Variants in PSD2 observed in about 807,000 individuals in gnomAD.
PSD2 encodes pleckstrin and Sec7 domain containing 2.
PSD2 carries 38 observed loss-of-function variants against 69.8 expected under a neutral mutation model. The ratio of observed to expected loss-of-function variants is 0.54; its 90% CI spans 0.42 to 0.71. The LOEUF (loss-of-function observed/expected upper bound fraction) is 0.71, where lower values mean the gene tolerates loss of function less well. Ranked by LOEUF, PSD2 falls within the 30% of genes least tolerant of loss-of-function variation. The pLI is 0.00. For synonymous variants in PSD2, 412 were observed against 423.0 expected (o/e 0.97, Z 0.32); for missense variants, 943 against 1,014.5 (o/e 0.93, Z 0.96).
At chr5:139,795,037 T>C (rs1409755350), upstream of PSD2, among the ~76,000 whole-genome samples, 1 of 152,168 alleles carries the variant, frequency 6.6e-6, no homozygotes, top group Non-Finnish European at 1.5e-5. The surrounding 1 kb of genome is among the most constrained non-coding windows in gnomAD (Gnocchi z 4.5). Context: ...TCTGTCTCTC[T>C]CTGTCTCCTT....
the PSD2 span, among the ~76,000 whole-genome samples, chr5:139,765,297 TACC>T: frequency 6.6e-6 from 1 of 152,084 alleles, no homozygotes; most frequent in Non-Finnish European, 1.5e-5. Context: ...GGGCCCCCGT[TACC>T]ACCAGGAAAC....
chr5:139,777,279 TAAA>T, the PSD2 span, among the ~76,000 whole-genome samples: 2 of 152,156 alleles, frequency 1.3e-5, no homozygotes, highest in Non-Finnish European at 2.9e-5. Flanking sequence ...ATAGGGAAAG[TAAA>T]AAATATGCAC....
upstream of PSD2, among the ~76,000 whole-genome samples, chr5:139,794,408 G>T (rs1759471644): frequency 6.6e-6 from 1 of 152,196 alleles, no homozygotes. Flanking sequence ...AGCTTGAAGG[G>T]AGGGAGACTA....
At chr5:139,821,866 C>T (rs751093806) in intron 5 of PSD2, 27 bp from the exon 6 acceptor site, 2 of 1,459,900 alleles carry the variant, frequency 1.4e-6, no homozygotes, top group African/African-American at 2.8e-5. Context: ...CTCAGACTGC[C>T]CTCAGCAGCT....
upstream of PSD2, among the ~76,000 whole-genome samples, chr5:139,793,396 C>T (rs750859775): frequency 7.2e-5 from 11 of 152,186 alleles, no homozygotes; most frequent in Non-Finnish European, 1.3e-4. Context: ...TTCCACTTGA[C>T]GGAGGGGAAA....
chr5:139,774,560 G>C, the PSD2 span, among the ~76,000 whole-genome samples: 5 of 151,996 alleles, frequency 3.3e-5, no homozygotes, highest in Non-Finnish European at 7.4e-5. Context: ...GCACGATCTC[G>C]GCTCACTGCA....
intron 5 of PSD2, among the ~76,000 whole-genome samples, chr5:139,818,205 G>A (rs999337698): frequency 3.3e-5 from 5 of 152,120 alleles, no homozygotes; most frequent in East Asian, 3.8e-4. Flanking sequence ...ACTCATGCAC[G>A]TTAGACATCT....
At chr5:139,766,441 TG>T in the PSD2 span, among the ~76,000 whole-genome samples, 2 of 152,152 alleles carry the variant, frequency 1.3e-5, no homozygotes, top group Non-Finnish European at 2.9e-5. Context: ...CCTGGAATGG[TG>T]GGGGGCACCC....
Position 139,836,936 on chromosome 5 carries a change from G to T in PSD2, c.1529G>T (p.Ser510Ile). 6.2e-7 allele frequency: 1 copy of T among 1,614,190 alleles called. No individual in the cohort carries two copies. The highest frequency in any genetic ancestry group is 8.5e-7 in the Non-Finnish European group (1 of 1,180,032). Residue 510 changes from serine to isoleucine, a missense_variant, in exon 10 of 15, where the codon AGT (serine) becomes ATT (isoleucine). By Grantham distance (142) the Ser-to-Ile change is moderately radical. Transcript: ENST00000274710. The part of the protein sequence containing the change: ...NPFLDVPQAL[S>I]ATTYKHGVLT... ...TTCCTGGATGTCCCACAGGCGCTCA[G>T]TGCCACCACCTACAAGCACGGCGTC...
chr5:139,774,782 G>T, the PSD2 span, among the ~76,000 whole-genome samples: 2 of 152,146 alleles, frequency 1.3e-5, no homozygotes, highest in African/African-American at 4.8e-5. Context: ...GAGCCACTGC[G>T]CCCGGCCCCG....
rs1554096371 is a variant in PSD2, at chr5:139,830,592, T to TTTC, written c.1270-3108_1270-3107insCTT. On this transcript the variant is annotated intron_variant, in intron 7 of 14. Transcript: ENST00000274710. ...TTTCTTTCTTTCTTTCTTTCTTTCT[T>TTTC]TTTCTTTCTTTCTTTCTCTTTCTTT... Among the ~76,000 whole-genome samples, 669 of 83,434 alleles carry TTTC rather than the reference T, an allele frequency of 8.0e-3. 8 individuals are homozygous for TTTC. Among genetic ancestry groups the TTTC allele is most frequent in the African/African-American group, 0.014 (251 of 18,214 alleles). 54.7% of individuals were successfully genotyped at this position (83,434 alleles called of 152,430 possible). A position where few individuals can be genotyped will look rare whatever the true frequency, so the allele number is the denominator to read the frequency against.
In PSD2 at chr5:139,840,129, G is replaced by A; in HGVS notation, c.2071G>A (p.Ala691Thr). 1 of 1,614,206 alleles carries A rather than the reference G, an allele frequency of 6.2e-7. No individual in the cohort carries two copies. Among genetic ancestry groups the A allele is most frequent in the South Asian group, 1.1e-5 (1 of 91,084 alleles). ...CGAGAGGGGCATCAAGTCCAAGGAG[G>A]CCGAGGAGTACCGGTTGAAGGAGCA... is the stretch of plus-strand genomic sequence containing the variant. ...PVERGIKSKE[A>T]EEYRLKEHYL... Residue 691 changes from alanine (A) to threonine (T), a missense_variant, in exon 14 of 15, where the codon GCC (alanine) becomes ACC (threonine). Ala to Thr is a moderately conservative substitution (Grantham distance 58). Around this residue, in one of 3 missense-constraint regions of PSD2, gnomAD observed 165 missense variants for 168.8 expected, o/e 0.98. Coordinates refer to ENST00000274710, the MANE Select transcript of PSD2 (RefSeq NM_032289.4).
Position 139,822,880 on chromosome 5 carries a change from C to T in PSD2, c.1269+96C>T, listed in dbSNP as rs111472454. On this transcript the variant is annotated intron_variant, in intron 7 of 14. Transcript: ENST00000274710. ...TTCCTGAGATCTCTTACTCAGTGGCCGGGCTTCTTTTTGAAGCGGTGGGGG... is the reference window on the plus strand; with the variant it reads ...TTCCTGAGATCTCTTACTCAGTGGCTGGGCTTCTTTTTGAAGCGGTGGGGG... 6.8e-4 allele frequency: 768 copies of T among 1,128,878 alleles called. 5 individuals carry two copies. The African/African-American group carries it at 9.6e-3, about 14-fold the overall frequency. 69.9% of individuals were successfully genotyped at this position (1,128,878 alleles called of 1,614,324 possible).
chr5:139,786,111 G>A, the PSD2 span, among the ~76,000 whole-genome samples: 15 of 152,166 alleles, frequency 9.9e-5, no homozygotes, highest in South Asian at 1.2e-3. Context: ...TAGCCTGGGC[G>A]CTGTGGCTCA....
the PSD2 span, among the ~76,000 whole-genome samples, chr5:139,749,739 T>C: frequency 6.6e-6 from 1 of 152,138 alleles, no homozygotes; most frequent in Non-Finnish European, 1.5e-5. Flanking sequence ...CTCATGCCTG[T>C]AATCCTAACA....
the PSD2 span, among the ~76,000 whole-genome samples, chr5:139,783,752 G>A: frequency 6.6e-6 from 1 of 152,162 alleles, no homozygotes. Flanking sequence ...CTAAAGCCAA[G>A]GGAGATTTTC....
the PSD2 span, among the ~76,000 whole-genome samples, chr5:139,764,403 C>G: frequency 3.9e-5 from 6 of 152,178 alleles, no homozygotes; most frequent in Non-Finnish European, 5.9e-5. Context: ...TCCGTGTGCC[C>G]CTGGGAGTGT....
At chr5:139,746,432 T>C in the PSD2 span, among the ~76,000 whole-genome samples, 1 of 151,874 alleles carries the variant, frequency 6.6e-6, no homozygotes, top group African/African-American at 2.4e-5. The surrounding 1 kb of genome is among the most constrained non-coding windows in gnomAD (Gnocchi z 4.5). Flanking sequence ...GGCTGGGGGG[T>C]CACCCGAGCC....
the PSD2 span, among the ~76,000 whole-genome samples, chr5:139,785,909 G>A: frequency 6.6e-6 from 1 of 152,066 alleles, no homozygotes; most frequent in Non-Finnish European, 1.5e-5. Context: ...GGCAATGCAG[G>A]GAGACCTTGT....
Sources: allele counts gnomAD v4.1 joint callset (sites outside exome capture counted in the v4.1 genomes callset), GRCh38; gene constraint gnomAD v4.1.1; regional missense constraint gnomAD v4.1.1; non-coding constraint Gnocchi (gnomAD v3.1); transcripts MANE v1.5; gene names NCBI Gene and HGNC (gene_info 2026-07-23, HGNC 2026-07-21).